The following PHOSPHO1 variants were observed in gnomAD, a reference collection of about 807,000 sequenced individuals.
PHOSPHO1 encodes the protein phosphoethanolamine/phosphocholine phosphatase.
Under a neutral mutation model 17.7 loss-of-function variants are expected in PHOSPHO1, and 6 were observed. The ratio of observed to expected loss-of-function variants is 0.34; its 90% CI spans 0.19 to 0.67. The LOEUF is 0.67. Among genes scored for constraint, PHOSPHO1 ranks in the 30% least tolerant of loss-of-function variants. The pLI is 0.69. For missense variants in PHOSPHO1, 330 were observed against 392.1 expected (o/e 0.84, Z 1.34); for synonymous variants, 159 against 174.6 (o/e 0.91, Z 0.71).
At position 49,224,821 on chromosome 17, in the gene PHOSPHO1, T is replaced by G. The variant is rs1395332635; in HGVS notation, c.229A>C (p.Lys77Gln). The G allele has an allele frequency of 2.5e-6, 4 of 1,603,656 alleles. No homozygotes were observed. In the African/African-American group the frequency reaches 5.4e-5, roughly 21 times the overall value. The change falls in exon 3 of 3, where the codon AAG becomes CAG. Residue 77 changes from lysine to glutamine, a missense_variant. Lys to Gln is a moderately conservative substitution (Grantham distance 53). Coordinates refer to ENST00000310544, the MANE Select transcript of PHOSPHO1 (RefSeq NM_178500.4). Reference protein sequence around the residue: ...FYNEYMQRVFKYLGEQGVRPR... With the variant: ...FYNEYMQRVFQYLGEQGVRPR... ...CGCACGCCCTGCTCGCCCAGGTACT[T>G]GAAGACGCGCTGCATGTACTCGTTG...
intron 1 of PHOSPHO1, among the ~76,000 whole-genome samples, chr17:49,228,277 C>T (rs2043377153): frequency 2.1e-5 from 2 of 93,854 alleles, no homozygotes. Context: ...TCCTTCCTTC[C>T]TTCCTTCCTT....
intron 1 of PHOSPHO1, among the ~76,000 whole-genome samples, chr17:49,227,780 C>T (rs2043371743): frequency 6.6e-6 from 1 of 152,192 alleles, no homozygotes; most frequent in Non-Finnish European, 1.5e-5. Context: ...AACAACCAGA[C>T]CACACATGTG....
At chr17:49,225,858 A>T (rs2043349787) in intron 2 of PHOSPHO1, 1 of 1,187,464 alleles carries the variant, frequency 8.4e-7, no homozygotes, top group Admixed American at 3.5e-5. Flanking sequence ...GGTAGTGGGG[A>T]CTTGGGGGGT....
Position 49,224,017 on chromosome 17 carries a change from A to T in PHOSPHO1, c.*229T>A. The T allele has an allele frequency of 1.8e-6, 1 of 562,556 alleles. No individual in the cohort carries two copies. Among genetic ancestry groups the T allele is most frequent in the Non-Finnish European group, 2.9e-6 (1 of 345,846 alleles). 34.8% of individuals were successfully genotyped at this position (562,556 alleles called of 1,614,324 possible). ...ACCCCGCGATGGGTCAGACTCCAGA[A>T]CTCAACCGTGCACAGTGGAGTGGGG... On this transcript the variant is annotated 3_prime_UTR_variant, in exon 3 of 3. Coordinates refer to ENST00000310544, the MANE Select transcript of PHOSPHO1 (RefSeq NM_178500.4).
chr17:49,230,045 G>T (rs1271138694), intron 1 of PHOSPHO1, among the ~76,000 whole-genome samples: 1 of 152,148 alleles, frequency 6.6e-6, no homozygotes, highest in Non-Finnish European at 1.5e-5. Flanking sequence ...TCACCTCTGG[G>T]CACTCCCTGG....
chr17:49,229,528 C>T (rs1313448893), intron 1 of PHOSPHO1, among the ~76,000 whole-genome samples: 1 of 151,906 alleles, frequency 6.6e-6, no homozygotes, highest in Non-Finnish European at 1.5e-5. Context: ...GGAAACAGGC[C>T]CCTCTCTGAT....
rs893121129 is a variant in PHOSPHO1 at position 49,226,745 on chromosome 17, G to A, written c.-54C>T. ...GTAGGGACTCTGTTGGCCTCCAGCC[G>A]TCGTCACACGTTCCTGACAACCACA... On this transcript the variant is annotated 5_prime_UTR_variant, in exon 2 of 3. In the 5' UTR this introduces an upstream ATG that the reference lacks. Coordinates refer to ENST00000310544, the MANE Select transcript of PHOSPHO1 (RefSeq NM_178500.4). 101 of 1,601,426 alleles carry A rather than the reference G, an allele frequency of 6.3e-5. No homozygotes were observed. The highest frequency in any genetic ancestry group is 2.4e-4 in the African/African-American group (18 of 74,758).
chr17:49,225,098 G>A (rs1482726397), intron 2 of PHOSPHO1, 94 bp from the exon 3 acceptor site: 3 of 1,443,526 alleles, frequency 2.1e-6, no homozygotes, highest in Non-Finnish European at 2.7e-6. Context: ...GCTGGTTAGC[G>A]GGCCACGGCC....
At chr17:49,229,357 G>C (rs754781447) in intron 1 of PHOSPHO1, among the ~76,000 whole-genome samples, 5 of 152,198 alleles carry the variant, frequency 3.3e-5, no homozygotes, top group Admixed American at 1.3e-4. Context: ...GGCCAGAGCA[G>C]GGAGAAGGGC....
Position 49,224,819 on chromosome 17 carries a change from C to G in PHOSPHO1, c.231G>C (p.Lys77Asn), listed in dbSNP as rs1345035810. Residue 77 changes from lysine to asparagine, a missense_variant, in exon 3 of 3, where the codon AAG becomes AAC. Physicochemically the swap from Lys to Asn is moderately conservative, Grantham distance 94. Transcript: ENST00000310544. ...FYNEYMQRVF[K>N]YLGEQGVRPR... ...GCCGCACGCCCTGCTCGCCCAGGTA[C>G]TTGAAGACGCGCTGCATGTACTCGT... 2.5e-6 allele frequency: 4 copies of G among 1,603,476 alleles called. No homozygotes were observed. Among genetic ancestry groups the G allele is most frequent in the South Asian group, 1.1e-5 (1 of 89,438 alleles).
In PHOSPHO1 at chr17:49,223,506, T is replaced by A. The variant is rs2043316067; in HGVS notation, c.*740A>T. On this transcript the variant is annotated 3_prime_UTR_variant, in exon 3 of 3. Transcript: ENST00000310544. ...GGAAGGCCCAGCCCGCGAGGGTGAC[T>A]TTGGTGAAGTCCCTGGTCTCTTGCT... The A allele has an allele frequency of 6.5e-6, 1 of 152,760 alleles. No individual in the cohort carries two copies. The highest frequency in any genetic ancestry group is 1.5e-5 in the Non-Finnish European group (1 of 68,216). The allele number at this position is 152,760 out of a possible 1,614,324, so 9.5% of individuals were successfully genotyped here. A position where few individuals can be genotyped will look rare whatever the true frequency, so the allele number is the denominator to read the frequency against.
intron 1 of PHOSPHO1, 122 bp from the exon 2 acceptor site, chr17:49,226,880 AAAC>A (rs2043363159): frequency 4.8e-6 from 3 of 628,548 alleles, no homozygotes; most frequent in Admixed American, 2.7e-5. Context: ...GTCTTAGCAA[AAAC>A]AACCCCTCAA....
rs2043332380 is a variant in PHOSPHO1 at position 49,224,771 on chromosome 17, G to C, written c.279C>G (p.Tyr93Ter). The C allele has an allele frequency of 6.3e-7, 1 of 1,599,108 alleles. No individual in the cohort carries two copies. The highest frequency in any genetic ancestry group is 1.7e-5 in the Admixed American group (1 of 57,602). The change falls in exon 3 of 3, where the codon TAC becomes TAG. Residue 93 changes from tyrosine (Y) to a stop codon, truncating the protein, a stop_gained. Transcript: ENST00000310544. LOFTEE classifies it high-confidence loss of function. ...TGCCTGGCGACAAAGGGATGGCTTC[G>C]TAGATGGCGCTCAGGTCCCGCGGCC... is the stretch of plus-strand genomic sequence containing the variant. ...GVRPRDLSAI[Y>*]EAIPLSPGMS... is the part of the protein sequence containing the mutation.
intron 2 of PHOSPHO1, chr17:49,225,735 G>T: frequency 7.8e-7 from 1 of 1,285,692 alleles, no homozygotes; most frequent in Non-Finnish European, 1.0e-6. Flanking sequence ...GAAGCAGTGG[G>T]GCTTGGGGAG....
rs761936304 is a variant in PHOSPHO1, at chr17:49,224,933, G to T, written c.117C>A (p.Asp39Glu). The T allele has an allele frequency of 6.3e-7, 1 of 1,591,900 alleles. No homozygotes were observed. Among genetic ancestry groups the T allele is most frequent in the East Asian group, 2.3e-5 (1 of 43,832 alleles). ...GCACGATCGAATCGTCGCTGTTTTC[G>T]TCCACGATAGTCTCGTCGAAGTCGA... Reference protein sequence around the residue: ...LTFDFDETIVDENSDDSIVRA... With the variant: ...LTFDFDETIVEENSDDSIVRA... Residue 39 changes from aspartate to glutamate, a missense_variant, in exon 3 of 3, where the codon GAC becomes GAA. Asp to Glu is a conservative substitution (Grantham distance 45). Transcript: ENST00000310544.
In PHOSPHO1 at chr17:49,228,717, G is replaced by C. The variant is rs530405231; in HGVS notation, c.-68+1751C>G. Among the ~76,000 whole-genome samples, 242 of 151,446 alleles carry C rather than the reference G, an allele frequency of 1.6e-3. 1 individual carries two copies. The highest frequency in any genetic ancestry group is 5.8e-3 in the African/African-American group (238 of 41,226). ...AGGCAGGAGAATGGCGTGAACCCGG[G>C]AGGCGGAACTTGCAGTGAGCCGAGA... On this transcript the variant is annotated intron_variant, in intron 1 of 2. Coordinates refer to ENST00000310544, the MANE Select transcript of PHOSPHO1 (RefSeq NM_178500.4).
In PHOSPHO1 at chr17:49,224,883, G is replaced by A. The variant is rs776769407; in HGVS notation, c.167C>T (p.Pro56Leu). ...IVRAAPGQRLPESLRATYREG... is the reference protein window; with the variant it reads ...IVRAAPGQRLLESLRATYREG... ...GCGGTAGGTGGCTCGCAGGCTCTCC[G>A]GGAGCCGCTGGCCCGGCGCGGCGCG... Residue 56 changes from proline to leucine, a missense_variant, in exon 3 of 3, where the codon CCG becomes CTG. Pro to Leu is a moderately conservative substitution (Grantham distance 98). Transcript: ENST00000310544. 1.2e-6 allele frequency: 2 copies of A among 1,604,238 alleles called. No homozygotes were observed. The highest frequency in any genetic ancestry group is 2.2e-5 in the South Asian group (2 of 89,840).
At chr17:49,228,659 G>A (rs940147750) in intron 1 of PHOSPHO1, among the ~76,000 whole-genome samples, 9 of 151,916 alleles carry the variant, frequency 5.9e-5, no homozygotes, top group East Asian at 3.9e-4. Context: ...GTGTGGTGGC[G>A]GGCGCCTGTA....
intron 1 of PHOSPHO1, 112 bp from the exon 2 acceptor site, chr17:49,226,870 G>C: frequency 1.5e-6 from 1 of 659,536 alleles, no homozygotes; most frequent in Middle Eastern, 2.5e-4. Flanking sequence ...CATTCCCAGG[G>C]TCTTAGCAAA....
Sources: allele counts gnomAD v4.1 joint callset (sites outside exome capture counted in the v4.1 genomes callset), GRCh38; gene constraint gnomAD v4.1.1; transcripts MANE v1.5; gene names NCBI Gene and HGNC (gene_info 2026-07-23, HGNC 2026-07-21).